TACR3: variants seen among roughly 807,000 people sequenced by gnomAD.
TACR3 encodes tachykinin receptor 3.
TACR3 carries 34 observed loss-of-function variants against 35.0 expected under a neutral mutation model. The ratio of observed to expected loss-of-function variants is 0.97; its 90% CI spans 0.74 to 1.30. TACR3 has a LOEUF of 1.30. Among genes scored for constraint, TACR3 ranks in the 50% most tolerant of loss-of-function variants. The probability of loss-of-function intolerance (pLI) is 0.00; values close to 1 mark genes in which losing one functional copy is unlikely to be tolerated. For missense variants in TACR3, 558 were observed against 591.7 expected, an observed-to-expected ratio of 0.94 and a Z score of 0.59; for synonymous variants, 233 against 221.1, an observed-to-expected ratio of 1.05 and a Z score of -0.48.
intron 3 of TACR3, among the ~76,000 whole-genome samples, chr4:103,595,241 T>C (rs976268143): frequency 6.6e-6 from 1 of 152,140 alleles, no homozygotes; most frequent in Admixed American, 6.6e-5. Flanking sequence ...GGTGGTAAAC[T>C]TTAAGAAATT....
chr4:103,608,837 T>C (rs916337180), intron 3 of TACR3, among the ~76,000 whole-genome samples: 6 of 152,110 alleles, frequency 3.9e-5, no homozygotes, highest in Non-Finnish European at 8.8e-5. Flanking sequence ...GTAAGTTACA[T>C]GGTCAGAAAT....
At chr4:103,673,486 A>G (rs1174200985) in intron 1 of TACR3, among the ~76,000 whole-genome samples, 2 of 152,184 alleles carry the variant, frequency 1.3e-5, no homozygotes, top group Admixed American at 6.6e-5. Flanking sequence ...CAGTCAGAAC[A>G]TATACATTTG....
intron 3 of TACR3, among the ~76,000 whole-genome samples, chr4:103,613,078 G>A (rs1414817270): frequency 6.6e-6 from 1 of 152,050 alleles, no homozygotes; most frequent in African/African-American, 2.4e-5. Context: ...ATAATATACG[G>A]ATAGTTTTGT....
chr4:103,662,850 T>A (rs1360981236), intron 1 of TACR3, among the ~76,000 whole-genome samples: 1 of 152,128 alleles, frequency 6.6e-6, no homozygotes, highest in Non-Finnish European at 1.5e-5. Context: ...TGAGGGAGCA[T>A]GTATCATGGA....
intron 3 of TACR3, among the ~76,000 whole-genome samples, chr4:103,614,866 T>C (rs2110299445): frequency 6.7e-6 from 1 of 148,784 alleles, no homozygotes; most frequent in East Asian, 2.0e-4. Context: ...CACTATAACC[T>C]AAGTTGATTA....
intron 1 of TACR3, among the ~76,000 whole-genome samples, chr4:103,718,450 T>G (rs1443993397): frequency 6.6e-6 from 1 of 152,214 alleles, no homozygotes; most frequent in African/African-American, 2.4e-5. Flanking sequence ...TTTTAAAAAT[T>G]TGGTTACACA....
At chr4:103,617,622 GCTGCCTCATCAAAAGT>G (rs1283455529) in intron 3 of TACR3, among the ~76,000 whole-genome samples, 2 of 152,058 alleles carry the variant, frequency 1.3e-5, no homozygotes, top group Non-Finnish European at 2.9e-5. Context: ...ATTGGTGTAT[GCTGCCTCATCAAAAGT>G]GGAAACCAGA....
At chr4:103,707,897 C>T (rs1031137275) in intron 1 of TACR3, among the ~76,000 whole-genome samples, 1 of 152,208 alleles carries the variant, frequency 6.6e-6, no homozygotes, top group African/African-American at 2.4e-5. Flanking sequence ...AGGAGCCTTA[C>T]TCATTGCTAG....
intron 1 of TACR3, among the ~76,000 whole-genome samples, chr4:103,710,340 A>G (rs748639021): frequency 6.6e-6 from 1 of 152,226 alleles, no homozygotes; most frequent in Non-Finnish European, 1.5e-5. Context: ...AATAGAACTC[A>G]GGATTAAGAA....
At chr4:103,632,995 A>T (rs930164942) in intron 3 of TACR3, among the ~76,000 whole-genome samples, 6 of 152,066 alleles carry the variant, frequency 3.9e-5, no homozygotes, top group Non-Finnish European at 7.4e-5. Context: ...TAAAAAAAAG[A>T]TTAAAAAGTG....
At position 103,614,884 on chromosome 4, in the gene TACR3, G is replaced by GTTTTTTTT. The variant is rs71580414; in HGVS notation, c.889-23209_889-23202dup. ...TATAACCTAAGTTGATTATGAATGT[G>GTTTTTTTT]TTTTTTTTTTTTTTTTTTTTTTTTT... On this transcript the variant is annotated intron_variant, in intron 3 of 4. Transcript: ENST00000304883. Among the ~76,000 whole-genome samples the GTTTTTTTT allele has an allele frequency of 7.1e-4, 51 of 72,058 alleles. 8 individuals carry two copies. The highest frequency in any genetic ancestry group is 1.5e-3 in the South Asian group (3 of 1,940). 47.3% of individuals were successfully genotyped at this position (72,058 alleles called of 152,430 possible). A position where few individuals can be genotyped will look rare whatever the true frequency, so the allele number is the denominator to read the frequency against.
At chr4:103,692,183 G>A (rs1186617649) in intron 1 of TACR3, among the ~76,000 whole-genome samples, 1 of 152,106 alleles carries the variant, frequency 6.6e-6, no homozygotes, top group Non-Finnish European at 1.5e-5. Context: ...TCAAATTTGT[G>A]ATTTCTTATA....
At chr4:103,691,027 C>T (rs1174962706) in intron 1 of TACR3, among the ~76,000 whole-genome samples, 1 of 152,152 alleles carries the variant, frequency 6.6e-6, no homozygotes, top group Non-Finnish European at 1.5e-5. Context: ...TCACACATTG[C>T]TGTTATGAAT....
chr4:103,662,228 T>G (rs1195476146), intron 1 of TACR3, among the ~76,000 whole-genome samples: 2 of 151,118 alleles, frequency 1.3e-5, no homozygotes, highest in Non-Finnish European at 3.0e-5. Context: ...TTTTTTTTTT[T>G]TTTTTTTTTG....
intron 1 of TACR3, among the ~76,000 whole-genome samples, chr4:103,693,742 A>T (rs1378082977): frequency 6.6e-6 from 1 of 152,000 alleles, no homozygotes; most frequent in Non-Finnish European, 1.5e-5. Context: ...TGCTTTAGTT[A>T]TATAGTCTTA....
chr4:103,682,396 A>G (rs2110210151), intron 1 of TACR3, among the ~76,000 whole-genome samples: 2 of 152,298 alleles, frequency 1.3e-5, no homozygotes, highest in South Asian at 4.1e-4. Flanking sequence ...CAATTATGGT[A>G]GAAGAGAAGC....
chr4:103,664,390 C>T (rs1314588893), intron 1 of TACR3, among the ~76,000 whole-genome samples: 2 of 152,076 alleles, frequency 1.3e-5, no homozygotes, highest in Admixed American at 1.3e-4. Flanking sequence ...CTTTTGTTGG[C>T]ATTTTTATTA....
chr4:103,709,981 C>T (rs549630298), intron 1 of TACR3, among the ~76,000 whole-genome samples: 38 of 152,218 alleles, frequency 2.5e-4, no homozygotes, highest in African/African-American at 8.4e-4. Context: ...TATATGCACC[C>T]AACACAGGAG....
At chr4:103,619,063 T>G (rs1434550454) in intron 3 of TACR3, among the ~76,000 whole-genome samples, 1 of 152,220 alleles carries the variant, frequency 6.6e-6, no homozygotes, top group Non-Finnish European at 1.5e-5. Context: ...CTTCTTTTCC[T>G]ATTTGGATGC....
Sources: allele counts gnomAD v4.1 joint callset (sites outside exome capture counted in the v4.1 genomes callset), GRCh38; gene constraint gnomAD v4.1.1; transcripts MANE v1.5; gene names NCBI Gene and HGNC (gene_info 2026-07-23, HGNC 2026-07-21).